Variants in TMCC1 observed in about 807,000 individuals in gnomAD.
TMCC1 encodes transmembrane and coiled-coil domains protein 1.
TMCC1 carries 15 observed loss-of-function variants against 52.4 expected under a neutral mutation model. The observed-to-expected ratio is 0.29, with a 90% CI of 0.19 to 0.44. The LOEUF (loss-of-function observed/expected upper bound fraction) is 0.44. Ranked by LOEUF, TMCC1 falls within the 20% of genes least tolerant of loss-of-function variation. The pLI is 1.00. For missense variants in TMCC1, 503 were observed against 806.0 expected, an observed-to-expected ratio of 0.62 and a Z score of 4.55; for synonymous variants, 279 against 301.9, an observed-to-expected ratio of 0.92 and a Z score of 0.79.
intron 4 of TMCC1, among the ~76,000 whole-genome samples, chr3:129,709,497 A>AAAAGAGAGAGAG (rs554837910): frequency 1.6e-5 from 1 of 64,074 alleles, no homozygotes; most frequent in Non-Finnish European, 2.6e-5. Flanking sequence ...AAAAAAAAAA[A>AAAAGAGAGAGAG]AGAGAGAGAG....
At chr3:129,694,639 T>C (rs2047265382) in intron 4 of TMCC1, among the ~76,000 whole-genome samples, 1 of 152,186 alleles carries the variant, frequency 6.6e-6, no homozygotes, top group Non-Finnish European at 1.5e-5. Flanking sequence ...TCCTCCCCAC[T>C]GCTACACTCC....
chr3:129,698,754 A>G (rs1409878619), intron 4 of TMCC1, among the ~76,000 whole-genome samples: 1 of 152,102 alleles, frequency 6.6e-6, no homozygotes, highest in Non-Finnish European at 1.5e-5. Flanking sequence ...GCTACAAAAT[A>G]TTTTTACGTT....
intron 4 of TMCC1, among the ~76,000 whole-genome samples, chr3:129,705,405 G>A (rs763907239): frequency 1.3e-5 from 2 of 152,080 alleles, no homozygotes; most frequent in African/African-American, 2.4e-5. Context: ...GGGGAGTAGT[G>A]TGGGGAGGAA....
chr3:129,880,129 T>C (rs772053819), intron 2 of TMCC1, among the ~76,000 whole-genome samples, 180 bp downstream of exon 2: 5 of 152,222 alleles, frequency 3.3e-5, no homozygotes, highest in African/African-American at 7.2e-5. Flanking sequence ...TGTTTCATTA[T>C]ATACATTAAG....
intron 4 of TMCC1, among the ~76,000 whole-genome samples, chr3:129,735,221 A>G (rs1311477878): frequency 6.6e-6 from 1 of 152,180 alleles, no homozygotes; most frequent in Non-Finnish European, 1.5e-5. Context: ...ATATTTTATA[A>G]CACAAAAATC....
chr3:129,835,928 C>T (rs565070908), intron 2 of TMCC1, among the ~76,000 whole-genome samples: 23 of 152,152 alleles, frequency 1.5e-4, no homozygotes, highest in African/African-American at 5.3e-4. Flanking sequence ...ATTCAAATAA[C>T]TCAGTAATTA....
chr3:129,857,299 T>C (rs1433553613), intron 2 of TMCC1: 2 of 152,184 alleles, frequency 1.3e-5, no homozygotes, highest in Admixed American at 6.5e-5. Context: ...AGAACCTCCT[T>C]ACATACAGCC....
intron 1 of TMCC1, among the ~76,000 whole-genome samples, chr3:129,881,055 G>C (rs902462781): frequency 2.6e-5 from 4 of 151,802 alleles, no homozygotes; most frequent in African/African-American, 9.7e-5. Flanking sequence ...GTAGAGACTG[G>C]GTTTCACCAT....
At chr3:129,715,309 A>C (rs2048995096) in intron 4 of TMCC1, among the ~76,000 whole-genome samples, 1 of 152,232 alleles carries the variant, frequency 6.6e-6, no homozygotes, top group African/African-American at 2.4e-5. Flanking sequence ...CTGTAATCCC[A>C]GCACTTTGGG....
chr3:129,670,638 C>T lies in TMCC1; in HGVS notation c.1203G>A (p.Ala401=), dbSNP rs371261248. The change falls in exon 5 of 7, where the codon GCG becomes GCA. Residue 401 remains alanine (A), a synonymous_variant. Coordinates refer to ENST00000393238, the MANE Select transcript of TMCC1 (RefSeq NM_001017395.5). ...DSLEEGQVDD[A]GKALGVISNF... ...TTGAAATCACTCCCAAAGCCTTCCC[C>T]GCATCATCCACTTGCCCTTCCTCTA... 3.6e-5 allele frequency: 58 copies of T among 1,614,070 alleles called. No individual in the cohort carries two copies. The highest frequency in any genetic ancestry group is 2.2e-4 in the East Asian group (10 of 44,894).
In TMCC1 at chr3:129,651,770, C is replaced by T. The variant is rs2086339681; in HGVS notation, c.1673G>A (p.Arg558His). ...IQEALEACQT[R>H]ISKMELQQQQ... ...CTGCTGCAGCTCCATCTTGGAGATG[C>T]GCGTCTGGCATGCCTCCAGGGCCTC... Residue 558 changes from arginine (R) to histidine (H), a missense_variant, in exon 7 of 7, where the codon CGC becomes CAC. By Grantham distance (29) the Arg-to-His change is conservative. This residue lies in a region of TMCC1 where 121 missense variants were observed against 193.6 expected (regional missense o/e 0.62). Transcript: ENST00000393238. This position sits in a 1 kb window ranked among gnomAD's most constrained non-coding sequence, Gnocchi z 5.1. 4 of 1,613,846 alleles carry T rather than the reference C, an allele frequency of 2.5e-6. No homozygotes were observed. The highest frequency in any genetic ancestry group is 3.4e-6 in the Non-Finnish European group (4 of 1,179,804).
At chr3:129,867,999 G>C (rs1035657464) in intron 2 of TMCC1, among the ~76,000 whole-genome samples, 1 of 152,118 alleles carries the variant, frequency 6.6e-6, no homozygotes, top group Non-Finnish European at 1.5e-5. Context: ...ACCCATTCTT[G>C]TACATCAAGA....
chr3:129,767,018 T>G (rs1409749097), intron 4 of TMCC1, among the ~76,000 whole-genome samples: 1 of 151,820 alleles, frequency 6.6e-6, no homozygotes, highest in Non-Finnish European at 1.5e-5. Context: ...TCCCAGCACT[T>G]TGGGAGGCCG....
chr3:129,794,247 C>A, intron 4 of TMCC1: 1 of 453,874 alleles, frequency 2.2e-6, no homozygotes. Flanking sequence ...CTTGACAGAA[C>A]AGTTCCAGAG....
At chr3:129,748,732 G>A (rs1209374826) in intron 4 of TMCC1, among the ~76,000 whole-genome samples, 1 of 152,042 alleles carries the variant, frequency 6.6e-6, no homozygotes, top group African/African-American at 2.4e-5. Context: ...GCCAGCTGGG[G>A]TAGCTCACGT....
At chr3:129,825,146 A>G (rs964346844) in intron 4 of TMCC1, among the ~76,000 whole-genome samples, 1 of 152,198 alleles carries the variant, frequency 6.6e-6, no homozygotes, top group Non-Finnish European at 1.5e-5. Context: ...GTGGTCAACA[A>G]AATGAATTAT....
At chr3:129,839,834 A>G (rs969582416) in intron 2 of TMCC1, among the ~76,000 whole-genome samples, 2 of 152,130 alleles carry the variant, frequency 1.3e-5, no homozygotes, top group Non-Finnish European at 2.9e-5. Flanking sequence ...ACAGTGAACC[A>G]TAATTATGCC....
chr3:129,854,813 T>C (rs1336783724), intron 2 of TMCC1, among the ~76,000 whole-genome samples: 1 of 152,244 alleles, frequency 6.6e-6, no homozygotes, highest in Admixed American at 6.5e-5. Context: ...TACCTACTCT[T>C]ATGCCACTGT....
chr3:129,764,220 G>C (rs954517791), intron 4 of TMCC1, among the ~76,000 whole-genome samples: 5 of 152,116 alleles, frequency 3.3e-5, no homozygotes, highest in African/African-American at 4.8e-5. Flanking sequence ...TACATAGAAG[G>C]ACAGCAGCAT....
Sources: gnomAD v4.1 joint callset for allele counts (sites outside exome capture counted in the v4.1 genomes callset) on GRCh38, gnomAD v4.1.1 for gene constraint, gnomAD v4.1.1 regional missense constraint, Gnocchi (gnomAD v3.1) non-coding constraint, MANE v1.5 for transcripts, NCBI Gene and HGNC (gene_info 2026-07-23, HGNC 2026-07-21) for gene names.